The following SLIT2 variants were observed in gnomAD, a reference collection of about 807,000 sequenced individuals.
SLIT2 encodes the protein slit guidance ligand 2, also known as slit homolog 2 protein.
A neutral mutation model predicts 185.7 loss-of-function variants in SLIT2; 41 were observed. The ratio of observed to expected loss-of-function variants is 0.22; its 90% confidence interval spans 0.17 to 0.29. The LOEUF is 0.29. Ranked by LOEUF, SLIT2 falls within the 10% of genes least tolerant of loss-of-function variation. SLIT2 has a pLI of 1.00. For missense variants in SLIT2, 1,571 were observed against 1,909.0 expected (o/e 0.82, Z 3.30); for synonymous variants, 693 against 680.2 (o/e 1.02, Z -0.29).
intron 4 of SLIT2, among the ~76,000 whole-genome samples, chr4:20,384,433 T>G (rs1414049886): frequency 6.6e-6 from 1 of 152,184 alleles, no homozygotes. Context: ...TTCTGCATCA[T>G]GACAGTTTTA....
rs540821643 is a variant in SLIT2 at position 20,257,008 on chromosome 4, A to G, written c.251+265A>G. Among the ~76,000 whole-genome samples the G allele has an allele frequency of 7.2e-5, 11 of 152,280 alleles. No homozygotes were observed. The East Asian group carries it at 2.1e-3, about 29-fold the overall frequency. ...ATACCATACCCTAAGCGCTTTATGC[A>G]TATAAAAATGTTGAATAATTGTTTT... is the stretch of plus-strand genomic sequence containing the variant. On this transcript the variant is annotated intron_variant, in intron 2 of 36. Coordinates refer to ENST00000504154, the MANE Select transcript of SLIT2 (RefSeq NM_004787.4).
chr4:20,597,030 C>G (rs1728036987), intron 32 of SLIT2, among the ~76,000 whole-genome samples: 2 of 151,246 alleles, frequency 1.3e-5, no homozygotes. Context: ...GAAAGAACAC[C>G]TGGATTCAAC....
chr4:20,507,097 T>C (rs545312212), intron 9 of SLIT2, among the ~76,000 whole-genome samples: 2 of 152,124 alleles, frequency 1.3e-5, no homozygotes, highest in East Asian at 3.9e-4. Flanking sequence ...AACAGATGAT[T>C]CATGCAGCAT....
chr4:20,530,447 C>A (rs1249115701), intron 16 of SLIT2, among the ~76,000 whole-genome samples: 1 of 152,006 alleles, frequency 6.6e-6, no homozygotes, highest in Non-Finnish European at 1.5e-5. Context: ...CCACACCCAG[C>A]TAATTTTGTA....
At chr4:20,271,944 G>T (rs951638281) in intron 4 of SLIT2, among the ~76,000 whole-genome samples, 1 of 152,018 alleles carries the variant, frequency 6.6e-6, no homozygotes, top group African/African-American at 2.4e-5. Flanking sequence ...TATGAATTAT[G>T]ATTCGACACA....
intron 29 of SLIT2, among the ~76,000 whole-genome samples, chr4:20,575,067 CA>C (rs1372996489): frequency 3.3e-5 from 5 of 152,098 alleles, no homozygotes; most frequent in African/African-American, 1.2e-4. Context: ...TGGCCTGGGT[CA>C]GGGATGTCTA....
intron 30 of SLIT2, 91 bp downstream of exon 30, chr4:20,589,828 C>A: frequency 2.4e-6 from 2 of 821,396 alleles, no homozygotes; most frequent in Non-Finnish European, 4.1e-6. Flanking sequence ...AGCTTCACAC[C>A]TCTGCTCAGG....
At chr4:20,477,570 C>T (rs1278601294) in intron 5 of SLIT2, among the ~76,000 whole-genome samples, 1 of 152,130 alleles carries the variant, frequency 6.6e-6, no homozygotes, top group East Asian at 1.9e-4. Context: ...CACAAATTTA[C>T]TTGGACAGCA....
At chr4:20,498,633 T>TGTAA (rs1718441790) in intron 9 of SLIT2, among the ~76,000 whole-genome samples, 1 of 152,196 alleles carries the variant, frequency 6.6e-6, no homozygotes, top group South Asian at 2.1e-4. Flanking sequence ...TTAGTAAGAA[T>TGTAA]GTAAGTTATA....
At chr4:20,377,351 A>G (rs1298044519) in intron 4 of SLIT2, among the ~76,000 whole-genome samples, 1 of 152,170 alleles carries the variant, frequency 6.6e-6, no homozygotes, top group African/African-American at 2.4e-5. Context: ...TTAAATGAAC[A>G]AAAACTCTAA....
chr4:20,430,317 C>A (rs78260294), intron 4 of SLIT2, among the ~76,000 whole-genome samples: 5,435 of 152,222 alleles, frequency 0.036, 342 homozygotes, highest in African/African-American at 0.12. Flanking sequence ...TGCTATTATG[C>A]CCTTGACTTT....
At position 20,416,189 on chromosome 4, in the gene SLIT2, G is replaced by A. The variant is rs189578985; in HGVS notation, c.396-51563G>A. Among the ~76,000 whole-genome samples the A allele has an allele frequency of 2.1e-3, 323 of 152,212 alleles. 1 individual carries two copies. The highest frequency in any genetic ancestry group is 7.2e-3 in the African/African-American group (297 of 41,538). On this transcript the variant is annotated intron_variant, in intron 4 of 36. Transcript: ENST00000504154. ...TACCATAGCAAAATACCACAGACTG[G>A]GAAGCTTCAAGAACAGCATTTATTT... is the stretch of plus-strand genomic sequence containing the variant.
intron 4 of SLIT2, among the ~76,000 whole-genome samples, chr4:20,464,199 A>G (rs780931126): frequency 3.3e-5 from 5 of 152,140 alleles, no homozygotes; most frequent in Admixed American, 6.5e-5. Context: ...CTGCTGTCAT[A>G]TAAGTCTTTA....
chr4:20,549,182 G>T, intron 24 of SLIT2, 54 bp downstream of exon 24: 3 of 1,117,470 alleles, frequency 2.7e-6, no homozygotes, highest in Non-Finnish European at 2.7e-6. Flanking sequence ...CTGAGTTTGG[G>T]GTTGTCTTTT....
intron 4 of SLIT2, among the ~76,000 whole-genome samples, chr4:20,377,961 T>A (rs927035003): frequency 1.8e-4 from 28 of 152,158 alleles, no homozygotes; most frequent in African/African-American, 6.3e-4. Flanking sequence ...TAATGGTGGT[T>A]TTAGAAAGTT....
intron 26 of SLIT2, among the ~76,000 whole-genome samples, chr4:20,562,244 C>A (rs1031994853): frequency 6.6e-6 from 1 of 151,716 alleles, no homozygotes; most frequent in African/African-American, 2.4e-5. Flanking sequence ...TTTACATCTT[C>A]GACATTGGTG....
intron 4 of SLIT2, among the ~76,000 whole-genome samples, chr4:20,342,903 ATTTTCTTTC>A (rs919824583): frequency 1.3e-4 from 19 of 149,496 alleles, no homozygotes; most frequent in African/African-American, 3.7e-4. Flanking sequence ...TTCTTCCTTC[ATTTTCTTTC>A]TTTTCTTTCT....
intron 4 of SLIT2, among the ~76,000 whole-genome samples, chr4:20,307,153 TC>T (rs1717637116): frequency 1.0e-4 from 4 of 39,554 alleles, no homozygotes; most frequent in African/African-American, 4.9e-4. Flanking sequence ...CCTCCCTCCC[TC>T]CCTCCCTCCT....
intron 4 of SLIT2, among the ~76,000 whole-genome samples, chr4:20,373,460 A>T (rs1209978134): frequency 6.6e-6 from 1 of 152,076 alleles, no homozygotes; most frequent in Non-Finnish European, 1.5e-5. Flanking sequence ...CATAAGTTTA[A>T]TGGTGACCAA....
Sources: allele counts gnomAD v4.1 joint callset (sites outside exome capture counted in the v4.1 genomes callset), GRCh38; gene constraint gnomAD v4.1.1; transcripts MANE v1.5; gene names NCBI Gene and HGNC (gene_info 2026-07-23, HGNC 2026-07-21).